The following ATP9A variants were observed in gnomAD, a reference collection of about 807,000 sequenced individuals.
ATP9A encodes the protein ATPase phospholipid transporting 9A.
A neutral mutation model predicts 144.1 loss-of-function variants in ATP9A; 52 were observed. The observed-to-expected ratio is 0.36, with a 90% CI of 0.29 to 0.45. ATP9A has a LOEUF of 0.45. Ranked by LOEUF, ATP9A falls within the 20% of genes least tolerant of loss-of-function variation. ATP9A has a pLI of 1.00. For synonymous variants in ATP9A, 582 were observed against 557.4 expected (o/e 1.04, Z -0.62); for missense variants, 947 against 1,392.7 (o/e 0.68, Z 5.09).
At chr20:51,649,228 T>C (rs1169237905) in intron 14 of ATP9A, among the ~76,000 whole-genome samples, 2 of 152,098 alleles carry the variant, frequency 1.3e-5, no homozygotes, top group Non-Finnish European at 2.9e-5. Flanking sequence ...CACACAGGCA[T>C]CTTCACTCTC....
At chr20:51,746,644 C>A (rs1023847903) in intron 1 of ATP9A, among the ~76,000 whole-genome samples, 8 of 152,204 alleles carry the variant, frequency 5.3e-5, no homozygotes, top group African/African-American at 1.9e-4. Context: ...TTGAAACCAT[C>A]CTAGCTAACA....
intron 3 of ATP9A, among the ~76,000 whole-genome samples, chr20:51,720,765 T>C (rs1213651854): frequency 6.6e-6 from 1 of 151,634 alleles, no homozygotes; most frequent in African/African-American, 2.4e-5. Flanking sequence ...ACCCGGGAGG[T>C]GATGGCTACA....
At position 51,738,432 on chromosome 20, in the gene ATP9A, A is replaced by G. The variant is rs115867992; in HGVS notation, c.69-8454T>C. On this transcript the variant is annotated intron_variant, in intron 1 of 27. Coordinates refer to ENST00000338821, the MANE Select transcript of ATP9A (RefSeq NM_006045.3). ...AAGTGTATGCCTCTCGGCCAGGCGCAGTGACTCACGCCTGTAATCCCAGTA... is the reference window on the plus strand; with the variant it reads ...AAGTGTATGCCTCTCGGCCAGGCGCGGTGACTCACGCCTGTAATCCCAGTA... 9.4e-3 allele frequency among the ~76,000 whole-genome samples: 1,432 copies of G among 152,046 alleles called. 18 individuals are homozygous for G. Among genetic ancestry groups the G allele is most frequent in the African/African-American group, 0.032 (1,346 of 41,498 alleles).
chr20:51,699,333 C>CAAAAAAAAAAAAA (rs74175569), intron 4 of ATP9A, among the ~76,000 whole-genome samples: 1 of 70,464 alleles, frequency 1.4e-5, no homozygotes, highest in Non-Finnish European at 2.7e-5. Flanking sequence ...AACTCAATCT[C>CAAAAAAAAAAAAA]AAAAAAAAAA....
chr20:51,689,022 C>T (rs778621283), intron 9 of ATP9A, 42 bp downstream of exon 9: 2 of 1,593,178 alleles, frequency 1.3e-6, no homozygotes, highest in Admixed American at 3.4e-5. Context: ...GATTTTCTTT[C>T]CTTTTCAAAT....
chr20:51,704,073 C>A (rs1601115619), intron 4 of ATP9A, among the ~76,000 whole-genome samples: 1 of 151,930 alleles, frequency 6.6e-6, no homozygotes, highest in African/African-American at 2.4e-5. Flanking sequence ...TGTCTGCATT[C>A]CCCAAAGCCA....
chr20:51,645,550 A>G (rs917716596), intron 14 of ATP9A, among the ~76,000 whole-genome samples: 1 of 149,400 alleles, frequency 6.7e-6, no homozygotes, highest in African/African-American at 2.4e-5. Flanking sequence ...CAAAAAAAAA[A>G]CAAGAACGTT....
At chr20:51,613,587 C>T in intron 23 of ATP9A, 90 bp downstream of exon 23, 1 of 1,322,514 alleles carries the variant, frequency 7.6e-7, no homozygotes, top group Admixed American at 2.5e-5. Context: ...ATTACATAGC[C>T]ACATGTACAT....
chr20:51,700,568 C>T (rs996886397), intron 4 of ATP9A, among the ~76,000 whole-genome samples: 2 of 152,172 alleles, frequency 1.3e-5, no homozygotes, highest in Non-Finnish European at 2.9e-5. Context: ...TGGTGGCTCA[C>T]ACCTGCAATC....
At chr20:51,754,636 A>C (rs1156936967) in intron 1 of ATP9A, among the ~76,000 whole-genome samples, 1 of 151,412 alleles carries the variant, frequency 6.6e-6, no homozygotes, top group Non-Finnish European at 1.5e-5. Flanking sequence ...CAACATGGCT[A>C]AACCCTGTGT....
At chr20:51,656,416 G>T (rs1272128816) in intron 14 of ATP9A, among the ~76,000 whole-genome samples, 1 of 152,084 alleles carries the variant, frequency 6.6e-6, no homozygotes, top group Non-Finnish European at 1.5e-5. Context: ...AGCCGGGCAT[G>T]GTGGTGGGTG....
chr20:51,658,756 G>T (rs1174513897), intron 13 of ATP9A, among the ~76,000 whole-genome samples: 1 of 151,840 alleles, frequency 6.6e-6, no homozygotes, highest in Non-Finnish European at 1.5e-5. Context: ...CTGACCTCAA[G>T]CGATCCGCCT....
intron 7 of ATP9A, among the ~76,000 whole-genome samples, chr20:51,692,116 T>C (rs1225987827): frequency 2.6e-5 from 4 of 152,268 alleles, no homozygotes; most frequent in South Asian, 4.2e-4. Flanking sequence ...AGTTACTGCT[T>C]AATGAGTCCA....
At chr20:51,601,870 G>A (rs1049277998) in intron 27 of ATP9A, among the ~76,000 whole-genome samples, 79 of 152,056 alleles carry the variant, frequency 5.2e-4, no homozygotes, top group African/African-American at 1.8e-3. Flanking sequence ...TTGCACCACC[G>A]CACTCCACCC....
At chr20:51,660,513 C>G (rs2077406344) in intron 13 of ATP9A, among the ~76,000 whole-genome samples, 1 of 152,232 alleles carries the variant, frequency 6.6e-6, no homozygotes, top group African/African-American at 2.4e-5. Context: ...TGACCAACAT[C>G]ACAGGCCACA....
chr20:51,673,116 G>A lies in ATP9A; in HGVS notation c.1037+1037C>T, dbSNP rs1474170604. On this transcript the variant is annotated intron_variant, in intron 11 of 27. Coordinates refer to ENST00000338821, the MANE Select transcript of ATP9A (RefSeq NM_006045.3). ...AGGCCAGGTGCAGTAGCTCACGCCT[G>A]TAACCCCAGCACTTTGGGAAGCTGA... 2.0e-5 allele frequency among the ~76,000 whole-genome samples: 3 copies of A among 152,136 alleles called. No homozygotes were observed. In the East Asian group the frequency reaches 5.8e-4, roughly 29 times the overall value.
Position 51,617,378 on chromosome 20 carries a change from T to C in ATP9A, c.2415+112A>G, listed in dbSNP as rs548448022. On this transcript the variant is annotated intron_variant, in intron 22 of 27. Coordinates refer to ENST00000338821, the MANE Select transcript of ATP9A (RefSeq NM_006045.3). ...GGTAACTGTGACACATGATTCCTTA[T>C]GTTTTATCATTCTTTATCTGGAATT... The C allele has an allele frequency of 3.1e-5, 35 of 1,124,908 alleles. No homozygotes were observed. The African/African-American group carries it at 4.6e-4, about 15-fold the overall frequency. The allele number at this position is 1,124,908 out of a possible 1,614,324, so 69.7% of individuals were successfully genotyped here.
In ATP9A at chr20:51,669,977, G is replaced by T. The variant is rs944370801; in HGVS notation, c.1293+20C>A. 2 of 1,568,872 alleles carry T rather than the reference G, an allele frequency of 1.3e-6. No individual in the cohort carries two copies. The highest frequency in any genetic ancestry group is 1.8e-6 in the Non-Finnish European group (2 of 1,139,834). On this transcript the variant is annotated intron_variant, in intron 13 of 27. Transcript: ENST00000338821. ...AAAAAGTCAAAGAATTGTTTTGGGT[G>T]TTGAAATGGAAGGCTTTACCTGGGT...
chr20:51,753,967 C>T (rs1601146188), intron 1 of ATP9A, among the ~76,000 whole-genome samples: 2 of 151,786 alleles, frequency 1.3e-5, no homozygotes, highest in South Asian at 4.2e-4. Context: ...CCACCATGCC[C>T]GGCCTGTTCT....
Sources: allele counts gnomAD v4.1 joint callset (sites outside exome capture counted in the v4.1 genomes callset), GRCh38; gene constraint gnomAD v4.1.1; transcripts MANE v1.5; gene names NCBI Gene and HGNC (gene_info 2026-07-23, HGNC 2026-07-21).